The following NAA11 variants were observed in gnomAD, a reference collection of about 807,000 sequenced individuals.
NAA11 encodes N-alpha-acetyltransferase 11.
A neutral mutation model predicts 16.1 loss-of-function variants in NAA11; 15 were observed. The observed-to-expected ratio is 0.93, with a 90% CI of 0.62 to 1.44. The LOEUF (loss-of-function observed/expected upper bound fraction) is 1.44, where lower values mean the gene tolerates loss of function less well. Among genes scored for constraint, NAA11 ranks in the 40% most tolerant of loss-of-function variants. The pLI is 0.00. For missense variants in NAA11, 298 were observed against 291.3 expected (o/e 1.02, Z -0.17); for synonymous variants, 122 against 112.4 (o/e 1.09, Z -0.54).
the NAA11 span, among the ~76,000 whole-genome samples, chr4:79,214,461 T>A: frequency 1.3e-5 from 2 of 152,106 alleles, no homozygotes; most frequent in Non-Finnish European, 2.9e-5. Flanking sequence ...TCCCCCCTCA[T>A]GACTAGATTA....
intron 2 of NAA11, among the ~76,000 whole-genome samples, chr4:79,265,864 C>T (rs1483683797): frequency 2.6e-5 from 4 of 151,994 alleles, no homozygotes; most frequent in Non-Finnish European, 4.4e-5. Context: ...AATCCTCCTG[C>T]CTCAGCTATA....
chr4:79,280,217 A>T (rs1398251923), intron 2 of NAA11, among the ~76,000 whole-genome samples: 2 of 150,560 alleles, frequency 1.3e-5, no homozygotes, highest in Admixed American at 6.6e-5. Context: ...AATCAGGCAG[A>T]TTGTGAAGGC....
chr4:79,242,321 C>T (rs75596057), intron 2 of NAA11, among the ~76,000 whole-genome samples: 2,286 of 152,314 alleles, frequency 0.015, 35 homozygotes, highest in African/African-American at 0.036. Context: ...TCCACCTGCA[C>T]TTTGGAAGTG....
At chr4:79,188,899 G>C in the NAA11 span, among the ~76,000 whole-genome samples, 1 of 151,932 alleles carries the variant, frequency 6.6e-6, no homozygotes, top group Non-Finnish European at 1.5e-5. Context: ...GTCAGACCCT[G>C]CCCTGGGGAT....
chr4:79,252,734 GC>G (rs1722023142), intron 2 of NAA11, among the ~76,000 whole-genome samples: 1 of 152,142 alleles, frequency 6.6e-6, no homozygotes, highest in African/African-American at 2.4e-5. Context: ...TAGCAAGGAG[GC>G]CAGTGGCACT....
chr4:79,293,699 T>C (rs543516861), intron 2 of NAA11, among the ~76,000 whole-genome samples: 1 of 152,304 alleles, frequency 6.6e-6, no homozygotes, highest in East Asian at 1.9e-4. Flanking sequence ...AATGAGAATA[T>C]GGTAATGAAC....
the NAA11 span, among the ~76,000 whole-genome samples, chr4:79,218,860 A>G: frequency 1.3e-5 from 2 of 152,112 alleles, no homozygotes; most frequent in Non-Finnish European, 2.9e-5. Flanking sequence ...GCTGAATTCA[A>G]TTCATATCAA....
At chr4:79,217,735 T>C in the NAA11 span, among the ~76,000 whole-genome samples, 2 of 152,208 alleles carry the variant, frequency 1.3e-5, no homozygotes, top group African/African-American at 4.8e-5. Flanking sequence ...ATAAAAGATT[T>C]AGAAAATTCA....
At chr4:79,315,126 G>A (rs1287752641), downstream of NAA11, among the ~76,000 whole-genome samples, 5 of 151,830 alleles carry the variant, frequency 3.3e-5, no homozygotes, top group East Asian at 1.9e-4. Context: ...GTGTGGTTCC[G>A]GGACCAGCAA....
At chr4:79,318,133 C>A (rs1396270688) in intron 1 of NAA11, among the ~76,000 whole-genome samples, 1 of 152,180 alleles carries the variant, frequency 6.6e-6, no homozygotes, top group Non-Finnish European at 1.5e-5. Flanking sequence ...AAACTGAGAT[C>A]ATTTTGCTTG....
At chr4:79,263,994 A>G (rs1450049956) in intron 2 of NAA11, among the ~76,000 whole-genome samples, 1 of 151,646 alleles carries the variant, frequency 6.6e-6, no homozygotes, top group Non-Finnish European at 1.5e-5. Flanking sequence ...CAATACCCCC[A>G]CCTCCAACTC....
At chr4:79,261,059 G>T (rs1301627601) in intron 2 of NAA11, among the ~76,000 whole-genome samples, 1 of 152,160 alleles carries the variant, frequency 6.6e-6, no homozygotes, top group Non-Finnish European at 1.5e-5. Flanking sequence ...TTACATTAGT[G>T]AGCACATTGA....
At chr4:79,237,668 C>A (rs1317942328) in intron 2 of NAA11, among the ~76,000 whole-genome samples, 3 of 152,088 alleles carry the variant, frequency 2.0e-5, no homozygotes. Context: ...ATTAGTATTA[C>A]TGAGGGCAAT....
At chr4:79,262,259 G>A (rs1173937986) in intron 2 of NAA11, among the ~76,000 whole-genome samples, 2 of 152,138 alleles carry the variant, frequency 1.3e-5, no homozygotes, top group Non-Finnish European at 2.9e-5. Context: ...AAGAAAAGAA[G>A]TTGTAGATAT....
intron 1 of NAA11, among the ~76,000 whole-genome samples, chr4:79,310,982 T>G (rs1028834932): frequency 2.6e-5 from 4 of 152,144 alleles, no homozygotes; most frequent in African/African-American, 9.7e-5. Flanking sequence ...AAGAATTCAT[T>G]TATGTCTTTG....
the NAA11 span, among the ~76,000 whole-genome samples, chr4:79,191,585 A>G: frequency 6.6e-6 from 1 of 151,982 alleles, no homozygotes; most frequent in Non-Finnish European, 1.5e-5. Context: ...ATATTAGACC[A>G]TTCTCAGATA....
At chr4:79,285,027 A>C (rs1464017172) in intron 2 of NAA11, among the ~76,000 whole-genome samples, 3 of 152,042 alleles carry the variant, frequency 2.0e-5, no homozygotes, top group Admixed American at 6.6e-5. Context: ...GGTGCATTTA[A>C]AATCAATCAG....
intron 2 of NAA11, among the ~76,000 whole-genome samples, chr4:79,283,288 C>A (rs1722836963): frequency 6.6e-6 from 1 of 151,500 alleles, no homozygotes; most frequent in South Asian, 2.1e-4. Flanking sequence ...TTTTAATGAA[C>A]AAACCTAAAG....
chr4:79,296,833 T>G (rs542791159), intron 1 of NAA11, among the ~76,000 whole-genome samples: 1 of 152,330 alleles, frequency 6.6e-6, no homozygotes, highest in African/African-American at 2.4e-5. Context: ...TGTTTTTCCT[T>G]TGTTGTTATG....
Sources: gnomAD v4.1 joint callset for allele counts (sites outside exome capture counted in the v4.1 genomes callset) on GRCh38, gnomAD v4.1.1 for gene constraint, MANE v1.5 for transcripts, NCBI Gene and HGNC (gene_info 2026-07-23, HGNC 2026-07-21) for gene names.